EIF4ENIF1: variants seen among roughly 807,000 people sequenced by gnomAD.
EIF4ENIF1 encodes eukaryotic translation initiation factor 4E transporter.
A neutral mutation model predicts 110.5 loss-of-function variants in EIF4ENIF1; 23 were observed. That is an observed-to-expected ratio of 0.21 (90% CI 0.15 to 0.29). EIF4ENIF1 has a LOEUF of 0.29. Among genes scored for constraint, EIF4ENIF1 ranks in the 10% least tolerant of loss-of-function variants. The probability of loss-of-function intolerance (pLI) is 1.00; values close to 1 mark genes in which losing one functional copy is unlikely to be tolerated. For synonymous variants in EIF4ENIF1, 440 were observed against 437.0 expected (o/e 1.01, Z -0.09); for missense variants, 1,031 against 1,221.1 (o/e 0.84, Z 2.32).
intron 11 of EIF4ENIF1, among the ~76,000 whole-genome samples, chr22:31,449,756 A>T (rs2145924666): frequency 6.7e-6 from 1 of 149,236 alleles, no homozygotes; most frequent in East Asian, 1.9e-4. Context: ...TTTGAGACAG[A>T]GTCTCACTCT....
chr22:31,464,685 AAAAAAAAAAAAAAAATATATATAT>A (rs1984457611), intron 4 of EIF4ENIF1, among the ~76,000 whole-genome samples: 1 of 32,862 alleles, frequency 3.0e-5, no homozygotes, highest in South Asian at 8.8e-4. Context: ...CAAAAAAAAA[AAAAAAAAAAAAAAAATATATATAT>A]ATATATATAT....
intron 17 of EIF4ENIF1, among the ~76,000 whole-genome samples, chr22:31,441,549 G>GAAAAA (rs2050297020): frequency 1.9e-5 from 1 of 53,922 alleles, no homozygotes; most frequent in East Asian, 7.4e-4. Context: ...TCTACAAAAA[G>GAAAAA]GAAAAAAAAA....
At chr22:31,493,250 C>G (rs1297895644), upstream of EIF4ENIF1, among the ~76,000 whole-genome samples, 1 of 151,622 alleles carries the variant, frequency 6.6e-6, no homozygotes, top group East Asian at 1.9e-4. Context: ...AGGATGGTCT[C>G]GATCTCCTGA....
Position 31,450,322 on chromosome 22 carries a change from A to G in EIF4ENIF1, c.1551T>C (p.Ile517=), listed in dbSNP as rs758876368. The G allele has an allele frequency of 1.2e-5, 19 of 1,613,568 alleles. No individual in the cohort carries two copies. The East Asian group carries it at 1.8e-4, about 15-fold the overall frequency. The change falls in exon 11 of 19, where the codon ATT becomes ATC. Residue 517 remains isoleucine, a synonymous_variant. Coordinates refer to ENST00000330125, the MANE Select transcript of EIF4ENIF1 (RefSeq NM_019843.4). ...TGTTCTTAGGGACAGGCTGGCCTGG[A>G]ATCTCAGCAGGGGACATCAAATGGC... ...LESHLMSPAE[I]PGQPVPKNIL...
rs1569075024 is a variant in EIF4ENIF1, at chr22:31,452,313, T to TTTC, written c.1512+1830_1512+1831insGAA. Among the ~76,000 whole-genome samples the TTTC allele has an allele frequency of 3.9e-5, 6 of 152,266 alleles. No homozygotes were observed. The East Asian group carries it at 1.2e-3, about 29-fold the overall frequency. ...ATTTTGAGATAACACCTGCTATTCT[T>TTTC]ACTCCATTACTTTCCTTGTTGTATT... On this transcript the variant is annotated intron_variant, in intron 10 of 18. Transcript: ENST00000330125.
At position 31,440,005 on chromosome 22, in the gene EIF4ENIF1, G is replaced by C. The variant is rs1216107550; in HGVS notation, c.2833C>G (p.Pro945Ala). 1.2e-6 allele frequency: 2 copies of C among 1,614,028 alleles called. No individual in the cohort carries two copies. The highest frequency in any genetic ancestry group is 2.7e-5 in the African/African-American group (2 of 75,042). ...PHMHSQLEHR[P>A]SQRSSSPVGL... ...ACAGGGGAGCTGCTCCTCTGGCTGG[G>C]GCGATGCTCCAGCTGGGAGTGCATG... The change falls in exon 19 of 19, where the codon CCC (proline) becomes GCC (alanine). Residue 945 changes from proline to alanine, a missense_variant. By Grantham distance (27) the Pro-to-Ala change is conservative (BLOSUM62 -1). Around this residue, in one of 3 missense-constraint regions of EIF4ENIF1, gnomAD observed 309 missense variants for 299.1 expected, o/e 1.03. Transcript: ENST00000330125.
chr22:31,449,624 G>A, intron 11 of EIF4ENIF1, 93 bp from the exon 12 acceptor site: 2 of 1,176,936 alleles, frequency 1.7e-6, no homozygotes, highest in Non-Finnish European at 2.4e-6. Context: ...GCCACAAGAT[G>A]GATCTCCCTC....
intron 1 of EIF4ENIF1, 182 bp from the exon 2 acceptor site, chr22:31,488,927 C>T: frequency 1.5e-6 from 1 of 674,854 alleles, no homozygotes; most frequent in Non-Finnish European, 2.4e-6. Context: ...ACTCAGTTCT[C>T]TTTCCTAGTA....
intron 2 of EIF4ENIF1, among the ~76,000 whole-genome samples, chr22:31,486,830 C>T (rs978061585): frequency 2.0e-5 from 3 of 151,820 alleles, no homozygotes; most frequent in Non-Finnish European, 2.9e-5. Context: ...CCTGTGATCC[C>T]AGCACTTTGG....
At chr22:31,456,466 G>A (rs997818573) in intron 7 of EIF4ENIF1, among the ~76,000 whole-genome samples, 42 of 151,716 alleles carry the variant, frequency 2.8e-4, no homozygotes, top group South Asian at 6.3e-4. Context: ...CTTGTGATCC[G>A]CCCGCCTTGG....
intron 3 of EIF4ENIF1, among the ~76,000 whole-genome samples, chr22:31,469,871 A>G (rs1643917999): frequency 6.6e-6 from 1 of 152,078 alleles, no homozygotes; most frequent in African/African-American, 2.4e-5. Flanking sequence ...TTTTAAAAAT[A>G]TATTTTGTAG....
chr22:31,478,129 C>T (rs1238971450), intron 2 of EIF4ENIF1, among the ~76,000 whole-genome samples: 1 of 152,124 alleles, frequency 6.6e-6, no homozygotes, highest in African/African-American at 2.4e-5. Flanking sequence ...AAATGTGTTA[C>T]CTTCCAGCAT....
At chr22:31,481,129 T>C (rs908010045) in intron 2 of EIF4ENIF1, among the ~76,000 whole-genome samples, 1 of 152,136 alleles carries the variant, frequency 6.6e-6, no homozygotes, top group Non-Finnish European at 1.5e-5. Context: ...TCCAGTAAGA[T>C]AGGTTTTCTG....
downstream of EIF4ENIF1, chr22:31,437,091 G>C (rs1046955907): frequency 6.6e-6 from 1 of 152,168 alleles, no homozygotes; most frequent in Non-Finnish European, 1.5e-5. Context: ...GGAAGGCCTA[G>C]CTGCACTCTC....
At chr22:31,459,233 C>T (rs1354934062) in intron 6 of EIF4ENIF1, among the ~76,000 whole-genome samples, 1 of 151,880 alleles carries the variant, frequency 6.6e-6, no homozygotes, top group Non-Finnish European at 1.5e-5. Context: ...CAGCACCATG[C>T]CTAGTTCTTT....
upstream of EIF4ENIF1, among the ~76,000 whole-genome samples, chr22:31,490,103 CG>C (rs894402470): frequency 2.0e-5 from 3 of 152,210 alleles, no homozygotes; most frequent in African/African-American, 7.2e-5. Flanking sequence ...AGGCGGTCGC[CG>C]TGGGCAGCCC....
At chr22:31,458,911 T>C (rs369809025) in intron 6 of EIF4ENIF1, among the ~76,000 whole-genome samples, 2 of 149,736 alleles carry the variant, frequency 1.3e-5, no homozygotes, top group Admixed American at 1.3e-4. Context: ...ATATTTTCTA[T>C]AGTGGAGGGG....
chr22:31,474,454 A>C (rs1020855583), intron 2 of EIF4ENIF1, among the ~76,000 whole-genome samples: 15 of 150,908 alleles, frequency 9.9e-5, no homozygotes, highest in Non-Finnish European at 1.2e-4. Flanking sequence ...GTGCCTCTTC[A>C]AACTGGCCCA....
At chr22:31,442,400 A>G (rs1390041195) in intron 16 of EIF4ENIF1, among the ~76,000 whole-genome samples, 3 of 152,080 alleles carry the variant, frequency 2.0e-5, no homozygotes, top group African/African-American at 7.2e-5. Context: ...AAGAACCCAA[A>G]CTGTCTTAAT....
Sources: allele counts gnomAD v4.1 joint callset (sites outside exome capture counted in the v4.1 genomes callset), GRCh38; gene constraint gnomAD v4.1.1; regional missense constraint gnomAD v4.1.1; transcripts MANE v1.5; gene names NCBI Gene and HGNC (gene_info 2026-07-23, HGNC 2026-07-21).